The following EPHA6 variants were observed in gnomAD, a reference collection of about 807,000 sequenced individuals.
The protein encoded by EPHA6 is EPH receptor A6, also known as ephrin type-A receptor 6.
In EPHA6, 50 loss-of-function variants were observed where a neutral mutation model predicts 112.0. The ratio of observed to expected loss-of-function variants is 0.45; its 90% CI spans 0.36 to 0.56. EPHA6 has a LOEUF of 0.56. Ranked by LOEUF, EPHA6 falls within the 20% of genes least tolerant of loss-of-function variation. EPHA6 has a pLI of 0.00. For missense variants in EPHA6, 1,280 were observed against 1,417.4 expected (o/e 0.90, Z 1.56); for synonymous variants, 529 against 490.7 (o/e 1.08, Z -1.03).
At chr3:97,678,009 C>G (rs2031545440) in intron 14 of EPHA6, among the ~76,000 whole-genome samples, 4 of 152,076 alleles carry the variant, frequency 2.6e-5, no homozygotes, top group Admixed American at 2.6e-4. Context: ...AGGTTATTTA[C>G]TCTTAGGGAC....
At chr3:97,466,155 T>A (rs2107414987) in intron 7 of EPHA6, 1 of 617,522 alleles carries the variant, frequency 1.6e-6, no homozygotes, top group Non-Finnish European at 3.0e-6. Flanking sequence ...TTTAGAAAGG[T>A]AAGCACATTT....
chr3:96,882,755 T>C (rs1231541460), intron 2 of EPHA6, among the ~76,000 whole-genome samples: 1 of 148,000 alleles, frequency 6.8e-6, no homozygotes, highest in Non-Finnish European at 1.5e-5. Context: ...TGTGTGTGTG[T>C]GTGTGTGTGT....
intron 3 of EPHA6, among the ~76,000 whole-genome samples, chr3:97,022,589 G>A (rs144995538): frequency 9.0e-4 from 137 of 152,218 alleles, no homozygotes; most frequent in African/African-American, 3.2e-3. Flanking sequence ...TGACAAGAGC[G>A]GGTAAATATC....
chr3:96,927,275 G>A (rs952756581), intron 2 of EPHA6, among the ~76,000 whole-genome samples: 2 of 152,154 alleles, frequency 1.3e-5, no homozygotes, highest in Non-Finnish European at 2.9e-5. Flanking sequence ...CCTGGCCCAG[G>A]AAACCATTTT....
At chr3:97,427,689 T>TA (rs965097030) in intron 6 of EPHA6, among the ~76,000 whole-genome samples, 26 of 146,592 alleles carry the variant, frequency 1.8e-4, no homozygotes, top group Admixed American at 3.4e-4. Flanking sequence ...AAAGTAAAAT[T>TA]AAAAAAAAAA....
chr3:96,889,022 T>C (rs538509225), intron 2 of EPHA6, among the ~76,000 whole-genome samples: 1,582 of 152,148 alleles, frequency 0.01, 25 homozygotes, highest in African/African-American at 0.036. Context: ...TGTTCAAAGT[T>C]CCACAAATCC....
intron 10 of EPHA6, among the ~76,000 whole-genome samples, chr3:97,520,765 G>A (rs1237641063): frequency 6.6e-6 from 1 of 152,086 alleles, no homozygotes; most frequent in African/African-American, 2.4e-5. Context: ...CTAAACTTGG[G>A]ATTAAGTTAT....
At chr3:97,734,817 T>C (rs1488347683) in intron 15 of EPHA6, among the ~76,000 whole-genome samples, 1 of 152,066 alleles carries the variant, frequency 6.6e-6, no homozygotes, top group East Asian at 1.9e-4. Flanking sequence ...AAACACTTTC[T>C]TTTGTCTTTT....
At chr3:97,317,548 A>C (rs911044081) in intron 5 of EPHA6, among the ~76,000 whole-genome samples, 1 of 151,862 alleles carries the variant, frequency 6.6e-6, no homozygotes, top group Non-Finnish European at 1.5e-5. Context: ...GTTTCGATAT[A>C]CCCTTCAGAT....
chr3:97,320,842 G>A lies in EPHA6; in HGVS notation c.1606+76555G>A, dbSNP rs866337242. ...AAAAAATAAAAAAAATAAAAAAAAAGGGATGAATTTAATTACATCCTAATT... is the reference window on the plus strand; with the variant it reads ...AAAAAATAAAAAAAATAAAAAAAAAAGGATGAATTTAATTACATCCTAATT... On this transcript the variant is annotated intron_variant, in intron 5 of 17. Transcript: ENST00000389672. Among the ~76,000 whole-genome samples, 271 of 125,998 alleles carry A rather than the reference G, an allele frequency of 2.2e-3. 5 individuals are homozygous for A. The highest frequency in any genetic ancestry group is 9.4e-3 in the African/African-American group (230 of 24,570). 82.7% of individuals were successfully genotyped at this position (125,998 alleles called of 152,430 possible).
At chr3:96,899,119 G>A (rs950591717) in intron 2 of EPHA6, among the ~76,000 whole-genome samples, 2 of 151,744 alleles carry the variant, frequency 1.3e-5, no homozygotes, top group African/African-American at 2.4e-5. Flanking sequence ...GAAGGTATTG[G>A]CAAGACCAAG....
intron 2 of EPHA6, among the ~76,000 whole-genome samples, chr3:96,941,219 G>A (rs184874424): frequency 4.9e-4 from 74 of 152,174 alleles, no homozygotes; most frequent in African/African-American, 1.6e-3. Context: ...CATTCTCCCC[G>A]TCACTTTCAG....
At chr3:97,457,825 G>C (rs2090740809) in intron 7 of EPHA6, among the ~76,000 whole-genome samples, 1 of 151,924 alleles carries the variant, frequency 6.6e-6, no homozygotes, top group Non-Finnish European at 1.5e-5. Context: ...CCAGCACTTT[G>C]GAAGGCCGAG....
intron 5 of EPHA6, among the ~76,000 whole-genome samples, chr3:97,328,660 C>A (rs1305247472): frequency 6.6e-6 from 1 of 151,834 alleles, no homozygotes; most frequent in Non-Finnish European, 1.5e-5. Flanking sequence ...TTCTTTTCAT[C>A]CTTACTATAT....
At chr3:97,435,848 G>A (rs2089805204) in intron 6 of EPHA6, among the ~76,000 whole-genome samples, 1 of 152,112 alleles carries the variant, frequency 6.6e-6, no homozygotes, top group Non-Finnish European at 1.5e-5. Flanking sequence ...TAATGTTTCT[G>A]TAAAATGACC....
intron 13 of EPHA6, among the ~76,000 whole-genome samples, chr3:97,620,933 A>G (rs1228233222): frequency 6.6e-6 from 1 of 152,092 alleles, no homozygotes; most frequent in Non-Finnish European, 1.5e-5. Flanking sequence ...AAAGGAATAG[A>G]AATCGTTCTA....
chr3:97,158,020 C>T (rs973068255), intron 3 of EPHA6, among the ~76,000 whole-genome samples: 5 of 152,044 alleles, frequency 3.3e-5, no homozygotes, highest in Non-Finnish European at 5.9e-5. Context: ...AACCATACTT[C>T]TCCAAAAAAA....
At chr3:97,338,017 A>G (rs937174545) in intron 5 of EPHA6, among the ~76,000 whole-genome samples, 3 of 152,084 alleles carry the variant, frequency 2.0e-5, no homozygotes, top group Admixed American at 6.6e-5. Flanking sequence ...ATTTGGATAT[A>G]TGAGTTTTGA....
intron 5 of EPHA6, among the ~76,000 whole-genome samples, chr3:97,266,827 G>A (rs1222245509): frequency 6.6e-6 from 1 of 151,918 alleles, no homozygotes; most frequent in Non-Finnish European, 1.5e-5. Context: ...TTGATATTTT[G>A]CTTTTTTTTA....
Sources: gnomAD v4.1 joint callset for allele counts (sites outside exome capture counted in the v4.1 genomes callset) on GRCh38, gnomAD v4.1.1 for gene constraint, MANE v1.5 for transcripts, NCBI Gene and HGNC (gene_info 2026-07-23, HGNC 2026-07-21) for gene names.